The following CCDC30 variants were observed in gnomAD, a reference collection of about 807,000 sequenced individuals.
CCDC30 encodes the protein coiled-coil domain-containing protein 30.
In CCDC30, 70 loss-of-function variants were observed where a neutral mutation model predicts 100.2. The observed-to-expected ratio is 0.70, with a 90% CI of 0.58 to 0.85. The LOEUF is 0.85. Among genes scored for constraint, CCDC30 ranks in the 40% least tolerant of loss-of-function variants. The probability of loss-of-function intolerance (pLI) is 0.00; values close to 1 mark genes in which losing one functional copy is unlikely to be tolerated. For synonymous variants in CCDC30, 233 were observed against 269.5 expected (o/e 0.86, Z 1.33); for missense variants, 652 against 771.2 (o/e 0.85, Z 1.83).
intron 6 of CCDC30, among the ~76,000 whole-genome samples, chr1:42,554,036 T>C (rs553628932): frequency 2.6e-5 from 4 of 152,252 alleles, no homozygotes; most frequent in African/African-American, 9.6e-5. Flanking sequence ...CACACGTTAA[T>C]ACATACATGT....
intron 10 of CCDC30, among the ~76,000 whole-genome samples, chr1:42,606,335 T>C (rs1646500815): frequency 1.3e-5 from 2 of 152,214 alleles, no homozygotes; most frequent in Non-Finnish European, 1.5e-5. Flanking sequence ...TGGAGTGCAG[T>C]GGTGCGCTCT....
chr1:42,469,577 A>T (rs1643698764), intron 1 of CCDC30, among the ~76,000 whole-genome samples: 1 of 152,156 alleles, frequency 6.6e-6, no homozygotes, highest in Non-Finnish European at 1.5e-5. Flanking sequence ...GAACAGTAGA[A>T]AAGGAGATAA....
intron 6 of CCDC30, chr1:42,556,169 G>A (rs772759407): frequency 9.3e-6 from 15 of 1,609,840 alleles, no homozygotes; most frequent in Non-Finnish European, 1.3e-5. Context: ...CAAATTAGGA[G>A]AAAGAAAGCA....
intron 11 of CCDC30, among the ~76,000 whole-genome samples, chr1:42,636,944 C>T (rs113547986): frequency 0.23 from 27,238 of 120,154 alleles, 3,331 homozygotes; most frequent in Middle Eastern, 0.38. Flanking sequence ...CCAGCCTGGG[C>T]GACAGAGCAA....
chr1:42,546,198 C>CA (rs1448358997), intron 6 of CCDC30, among the ~76,000 whole-genome samples: 1 of 150,152 alleles, frequency 6.7e-6, no homozygotes, highest in African/African-American at 2.4e-5. Flanking sequence ...TCAGCATGAC[C>CA]AACATGGAGA....
Position 42,637,197 on chromosome 1 carries a change from C to T in CCDC30, c.1278-40C>T, listed in dbSNP as rs575310947. On this transcript the variant is annotated intron_variant, in intron 11 of 16. Coordinates refer to ENST00000668663, the Ensembl canonical transcript of CCDC30. ...ATTGAGGATGCAAAATAAATTTTAA[C>T]TGTGTTCAGATGTGTCTAAACTCAA... The T allele has an allele frequency of 3.6e-5, 55 of 1,514,044 alleles. 1 individual carries two copies. In the South Asian group the frequency reaches 6.4e-4, roughly 18 times the overall value. 93.8% of individuals were successfully genotyped at this position (1,514,044 alleles called of 1,614,324 possible). A position where few individuals can be genotyped will look rare whatever the true frequency, so the allele number is the denominator to read the frequency against.
At chr1:42,466,820 G>C (rs959727135) in intron 1 of CCDC30, among the ~76,000 whole-genome samples, 1 of 152,154 alleles carries the variant, frequency 6.6e-6, no homozygotes, top group Non-Finnish European at 1.5e-5. Context: ...CCAAAGTGCT[G>C]GGATTACAGG....
chr1:42,644,238 C>T lies in CCDC30; in HGVS notation c.1557-455C>T, dbSNP rs544353787. Among the ~76,000 whole-genome samples, 5 of 152,250 alleles carry T rather than the reference C, an allele frequency of 3.3e-5. No individual in the cohort carries two copies. The East Asian group carries it at 7.7e-4, about 24-fold the overall frequency. On this transcript the variant is annotated intron_variant, in intron 13 of 16. Transcript: ENST00000668663. Reference sequence around the variant, plus strand: ...AGCTGAGGAGCAAGGAGAGCCAGTCCGAGTCCCAAAACTGAAGAACTCAGA... The same window carrying T: ...AGCTGAGGAGCAAGGAGAGCCAGTCTGAGTCCCAAAACTGAAGAACTCAGA...
At chr1:42,590,934 A>G (rs1039086544) in intron 10 of CCDC30, 3 of 152,228 alleles carry the variant, frequency 2.0e-5, no homozygotes, top group African/African-American at 7.2e-5. Context: ...TTCATGTACC[A>G]AGGATCTGTG....
chr1:42,565,928 C>T (rs1003088926), intron 6 of CCDC30, among the ~76,000 whole-genome samples: 3 of 151,994 alleles, frequency 2.0e-5, no homozygotes, highest in Non-Finnish European at 4.4e-5. Flanking sequence ...CACACACACA[C>T]ACACACACAT....
intron 6 of CCDC30, among the ~76,000 whole-genome samples, chr1:42,530,142 C>T (rs1026554074): frequency 1.3e-5 from 2 of 152,164 alleles, no homozygotes; most frequent in Non-Finnish European, 2.9e-5. Context: ...AAGCAGATGA[C>T]TCTACTTTTC....
chr1:42,469,969 G>T (rs1643714116), intron 1 of CCDC30, among the ~76,000 whole-genome samples: 1 of 152,196 alleles, frequency 6.6e-6, no homozygotes, highest in African/African-American at 2.4e-5. Context: ...ATTTGTAATG[G>T]TTCAGATTTG....
chr1:42,508,104 A>G (rs1644422781), intron 6 of CCDC30, among the ~76,000 whole-genome samples: 1 of 152,190 alleles, frequency 6.6e-6, no homozygotes, highest in South Asian at 2.1e-4. Flanking sequence ...TCTTAATTGG[A>G]TTACTGGCTT....
chr1:42,490,132 T>C, intron 3 of CCDC30, 26 bp from the exon 4 acceptor site: 1 of 891,560 alleles, frequency 1.1e-6, no homozygotes, highest in South Asian at 5.8e-5. Context: ...TTGTTCCTTA[T>C]ACAAATATTT....
chr1:42,546,730 C>T (rs1267015267), intron 6 of CCDC30, among the ~76,000 whole-genome samples: 1 of 151,878 alleles, frequency 6.6e-6, no homozygotes, highest in Non-Finnish European at 1.5e-5. Flanking sequence ...GTCTATCTAT[C>T]TATCTATCTT....
At chr1:42,482,861 G>C in intron 3 of CCDC30, 45 bp downstream of exon 3, 1 of 1,157,556 alleles carries the variant, frequency 8.6e-7, no homozygotes, top group Non-Finnish European at 1.1e-6. Context: ...TGCTTTAACT[G>C]TACTGATCTC....
chr1:42,642,575 A>G, exon 13 of CCDC30: 1 of 1,602,166 alleles, frequency 6.2e-7, no homozygotes, highest in Admixed American at 1.7e-5. Flanking sequence ...GTTGATCCAC[A>G]GCAACAAATG....
At chr1:42,656,645 T>A (rs112911209), downstream of CCDC30, among the ~76,000 whole-genome samples, 357 of 152,028 alleles carry the variant, frequency 2.3e-3, 1 homozygote, top group African/African-American at 7.7e-3. Flanking sequence ...ATAATAATAA[T>A]AAATACATAA....
chr1:42,543,846 A>T (rs1193246640), intron 6 of CCDC30, among the ~76,000 whole-genome samples: 1 of 152,224 alleles, frequency 6.6e-6, no homozygotes, highest in Non-Finnish European at 1.5e-5. Context: ...TCTTCAGAGA[A>T]TTGAAAAGGC....
Sources: allele counts gnomAD v4.1 joint callset (sites outside exome capture counted in the v4.1 genomes callset), GRCh38; gene constraint gnomAD v4.1.1; transcripts MANE v1.5; gene names NCBI Gene and HGNC (gene_info 2026-07-23, HGNC 2026-07-21).